PTPRD: variants seen among roughly 807,000 people sequenced by gnomAD.
The protein encoded by PTPRD is receptor-type tyrosine-protein phosphatase delta.
A neutral mutation model predicts 214.5 loss-of-function variants in PTPRD; 34 were observed. That is an observed-to-expected ratio of 0.16 (90% CI 0.12 to 0.21). The LOEUF (loss-of-function observed/expected upper bound fraction) is 0.21, where lower values mean the gene tolerates loss of function less well. Ranked by LOEUF, PTPRD falls within the 10% of genes least tolerant of loss-of-function variation. The pLI is 1.00. For synonymous variants in PTPRD, 1,128 were observed against 845.7 expected, an observed-to-expected ratio of 1.33 and a Z score of -5.79; for missense variants, 2,545 against 2,398.7, an observed-to-expected ratio of 1.06 and a Z score of -1.27.
At chr9:9,383,864 C>T (rs988196624) in intron 9 of PTPRD, among the ~76,000 whole-genome samples, 2 of 151,966 alleles carry the variant, frequency 1.3e-5, no homozygotes, top group African/African-American at 4.8e-5. Context: ...TACCTTGAAT[C>T]CTGATAATCA....
At chr9:9,795,646 A>G (rs1232867515) in intron 5 of PTPRD, among the ~76,000 whole-genome samples, 1 of 152,172 alleles carries the variant, frequency 6.6e-6, no homozygotes, top group Non-Finnish European at 1.5e-5. Context: ...TTTTTGATGG[A>G]AATAAAATAA....
At chr9:9,658,905 C>T (rs1261103509) in intron 7 of PTPRD, among the ~76,000 whole-genome samples, 1 of 151,974 alleles carries the variant, frequency 6.6e-6, no homozygotes, top group Non-Finnish European at 1.5e-5. Flanking sequence ...GAGTTAGAGC[C>T]TAGATTTAAA....
intron 9 of PTPRD, among the ~76,000 whole-genome samples, chr9:9,227,579 T>C (rs1443467871): frequency 6.6e-6 from 1 of 152,128 alleles, no homozygotes; most frequent in African/African-American, 2.4e-5. Flanking sequence ...TTGCTTCTAA[T>C]GATTAGAATA....
intron 11 of PTPRD, among the ~76,000 whole-genome samples, chr9:8,820,727 C>G (rs1227845631): frequency 6.6e-6 from 1 of 150,688 alleles, no homozygotes; most frequent in Non-Finnish European, 1.5e-5. Context: ...ATACTACACA[C>G]CACACACACA....
chr9:10,411,367 T>C (rs563579790), intron 2 of PTPRD, among the ~76,000 whole-genome samples: 1 of 151,814 alleles, frequency 6.6e-6, no homozygotes, highest in African/African-American at 2.4e-5. Context: ...GATTTCCCAG[T>C]TCATCATGAA....
chr9:8,750,481 T>G (rs10115495), intron 11 of PTPRD, among the ~76,000 whole-genome samples: 8,716 of 151,896 alleles, frequency 0.057, 639 homozygotes, highest in African/African-American at 0.17. Context: ...TTAAGGTACC[T>G]GGTAAGTGCT....
chr9:9,884,421 A>G (rs2070012529), intron 5 of PTPRD, among the ~76,000 whole-genome samples: 8 of 152,174 alleles, frequency 5.3e-5, no homozygotes, highest in Admixed American at 5.2e-4. Context: ...CTATCTCTGT[A>G]AGAAAGCCCT....
At chr9:9,361,553 A>G (rs1042906558) in intron 9 of PTPRD, among the ~76,000 whole-genome samples, 2 of 151,012 alleles carry the variant, frequency 1.3e-5, no homozygotes, top group African/African-American at 4.8e-5. Flanking sequence ...TAACAGAGGT[A>G]CATGTTTTTG....
At chr9:9,245,130 G>A (rs909106277) in intron 9 of PTPRD, among the ~76,000 whole-genome samples, 3 of 152,114 alleles carry the variant, frequency 2.0e-5, no homozygotes, top group Admixed American at 2.0e-4. Context: ...TAAAATGTCA[G>A]GTAACAACAG....
At position 9,945,237 on chromosome 9, in the gene PTPRD, A is replaced by G. The variant is rs141042653; in HGVS notation, c.-471-6627T>C. On this transcript the variant is annotated intron_variant, in intron 4 of 45. Transcript: ENST00000381196. ...GCCCGTTAGGCATTTGAATAAAACT[A>G]ATAGGGAGGTAAATAAACCTGAGAT... 2.3e-3 allele frequency among the ~76,000 whole-genome samples: 347 copies of G among 152,238 alleles called. 2 individuals are homozygous for G. Among genetic ancestry groups the G allele is most frequent in the African/African-American group, 7.8e-3 (324 of 41,546 alleles).
rs939392362 is a variant in PTPRD, at chr9:10,612,387, A to T, written c.-600+11T>A. ...TTAGAGAAAAGAAAGACAGAAGCAC[A>T]GTTTACTTACTAAAGCAGCCGCTCC... On this transcript the variant is annotated intron_variant, in intron 2 of 45. Coordinates refer to ENST00000381196, the MANE Select transcript of PTPRD (RefSeq NM_002839.4). The T allele has an allele frequency of 1.3e-5, 2 of 152,216 alleles. No individual in the cohort carries two copies. The highest frequency in any genetic ancestry group is 3.9e-4 in the East Asian group (2 of 5,170). 9.4% of individuals were successfully genotyped at this position (152,216 alleles called of 1,614,324 possible).
chr9:9,496,782 T>G (rs2096211362), intron 8 of PTPRD, among the ~76,000 whole-genome samples: 1 of 152,226 alleles, frequency 6.6e-6, no homozygotes, highest in Non-Finnish European at 1.5e-5. Flanking sequence ...AAGCAGGGTC[T>G]TGAAGAGACA....
intron 3 of PTPRD, among the ~76,000 whole-genome samples, chr9:10,184,193 G>A (rs556229806): frequency 5.9e-5 from 9 of 152,268 alleles, no homozygotes; most frequent in East Asian, 3.9e-4. Flanking sequence ...GGGAGGCCGA[G>A]GTGGGCAGAT....
At chr9:8,588,739 C>T (rs1230375748) in intron 14 of PTPRD, among the ~76,000 whole-genome samples, 2 of 152,120 alleles carry the variant, frequency 1.3e-5, no homozygotes, top group Admixed American at 1.3e-4. Flanking sequence ...CCAGACACTA[C>T]TTGACCTGCA....
intron 11 of PTPRD, among the ~76,000 whole-genome samples, chr9:8,812,935 G>C (rs1190002219): frequency 6.6e-6 from 1 of 151,950 alleles, no homozygotes; most frequent in Non-Finnish European, 1.5e-5. Context: ...GACTAGCCCA[G>C]TAGATCAAGG....
At chr9:10,325,694 C>T (rs191805482) in intron 3 of PTPRD, among the ~76,000 whole-genome samples, 1 of 151,802 alleles carries the variant, frequency 6.6e-6, no homozygotes, top group East Asian at 1.9e-4. Flanking sequence ...TCAAAACAAC[C>T]AAACTGCAGG....
chr9:9,404,679 C>A (rs1315250473), intron 8 of PTPRD, among the ~76,000 whole-genome samples: 2 of 151,960 alleles, frequency 1.3e-5, no homozygotes, highest in Admixed American at 1.3e-4. Flanking sequence ...GATGCGGAAA[C>A]CTATAGTTCA....
At chr9:9,722,509 T>C (rs1257116556) in intron 7 of PTPRD, among the ~76,000 whole-genome samples, 1 of 152,118 alleles carries the variant, frequency 6.6e-6, no homozygotes, top group Non-Finnish European at 1.5e-5. Flanking sequence ...TTAGCTGTTA[T>C]GAATAATGTT....
At chr9:9,747,994 G>T (rs1281880488) in intron 6 of PTPRD, among the ~76,000 whole-genome samples, 1 of 152,190 alleles carries the variant, frequency 6.6e-6, no homozygotes, top group East Asian at 1.9e-4. Flanking sequence ...GCTTATGACA[G>T]AAGAATTAGA....
Sources: gnomAD v4.1 joint callset for allele counts (sites outside exome capture counted in the v4.1 genomes callset) on GRCh38, gnomAD v4.1.1 for gene constraint, MANE v1.5 for transcripts, NCBI Gene and HGNC (gene_info 2026-07-23, HGNC 2026-07-21) for gene names.